The following EFCAB5 variants were observed in gnomAD, a reference collection of about 807,000 sequenced individuals.
EFCAB5 encodes the protein EF-hand calcium binding domain 5.
Under a neutral mutation model 167.9 loss-of-function variants are expected in EFCAB5, and 131 were observed. The ratio of observed to expected loss-of-function variants is 0.78; its 90% CI spans 0.68 to 0.90. The LOEUF is 0.90. EFCAB5 is among the 40% of genes least tolerant of loss of function. The pLI, the probability that EFCAB5 is intolerant of heterozygous loss-of-function variation, is 0.00. For synonymous variants in EFCAB5, 574 were observed against 602.8 expected, an observed-to-expected ratio of 0.95 and a Z score of 0.70; for missense variants, 1,663 against 1,745.2, an observed-to-expected ratio of 0.95 and a Z score of 0.84.
At position 30,055,891 on chromosome 17, in the gene EFCAB5, C is replaced by T. The variant is rs780770954; in HGVS notation, c.2198C>T (p.Thr733Ile). 1.9e-6 allele frequency: 3 copies of T among 1,611,266 alleles called. No homozygotes were observed. The highest frequency in any genetic ancestry group is 1.1e-5 in the South Asian group (1 of 90,282). The change falls in exon 11 of 23, where the codon ACT becomes ATT. Residue 733 changes from threonine to isoleucine, a missense_variant. Coordinates refer to ENST00000394835, the MANE Select transcript of EFCAB5 (RefSeq NM_198529.4). ...TLSRKDHFPE[T>I]TKKEVQKDKP... The stretch of plus-strand genomic sequence containing the variant: ...CATTTTCATTTGCACCTTTTAGAAA[C>T]TACAAAAAAGGAAGTTCAGAAAGAC...
At chr17:29,951,834 T>C (rs2067519181) in intron 3 of EFCAB5, among the ~76,000 whole-genome samples, 1 of 152,088 alleles carries the variant, frequency 6.6e-6, no homozygotes, top group Non-Finnish European at 1.5e-5. Context: ...AGAAGCATAG[T>C]TCAAAAACCA....
intron 7 of EFCAB5, among the ~76,000 whole-genome samples, chr17:30,020,307 T>G (rs1254157907): frequency 6.6e-6 from 1 of 152,084 alleles, no homozygotes; most frequent in East Asian, 1.9e-4. Context: ...TCTATGAATA[T>G]TTTCCTTCTT....
At position 30,108,244 on chromosome 17, in the gene EFCAB5, T is replaced by C; in HGVS notation, c.*220T>C. ...GTAGCCATAGCCAAGTGTATTTAAG[T>C]ATGTTATAGAATATATTTGAAAGCT... On this transcript the variant is annotated 3_prime_UTR_variant, in exon 23 of 23. Transcript: ENST00000394835. 2.4e-6 allele frequency: 1 copy of C among 424,638 alleles called. No homozygotes were observed. Among genetic ancestry groups the C allele is most frequent in the South Asian group, 2.8e-5 (1 of 35,922 alleles). 26.3% of individuals were successfully genotyped at this position (424,638 alleles called of 1,614,324 possible). A position where few individuals can be genotyped will look rare whatever the true frequency, so the allele number is the denominator to read the frequency against.
At chr17:30,085,719 CAA>C (rs60700223) in intron 18 of EFCAB5, among the ~76,000 whole-genome samples, 80,649 of 126,878 alleles carry the variant, frequency 0.64, 24,711 homozygotes, top group African/African-American at 0.79. Flanking sequence ...GACTCCGTCT[CAA>C]AAAAAAAAAA....
chr17:30,056,087 A>G lies in EFCAB5; in HGVS notation c.2296A>G (p.Lys766Glu). 6.2e-7 allele frequency: 1 copy of G among 1,612,734 alleles called. No homozygotes were observed. The highest frequency in any genetic ancestry group is 8.5e-7 in the Non-Finnish European group (1 of 1,179,246). ...AGGTGAATTTTTTACTTGTAACTGG[A>G]AAATGAAGTATGTCACATTTGAAGA... ...WSGEFFTCNWKMKYVTFEDEE... is the reference protein window; with the variant it reads ...WSGEFFTCNWEMKYVTFEDEE... The change falls in exon 12 of 23, where the codon AAA becomes GAA. Residue 766 changes from lysine to glutamate, a missense_variant. Physicochemically the swap from Lys to Glu is moderately conservative, Grantham distance 56. Transcript: ENST00000394835.
chr17:29,993,657 G>C (rs2068472704), intron 5 of EFCAB5, among the ~76,000 whole-genome samples: 1 of 152,162 alleles, frequency 6.6e-6, no homozygotes, highest in African/African-American at 2.4e-5. Flanking sequence ...CTATCTCTTA[G>C]CTCTAGAGAA....
chr17:30,015,637 T>C (rs1462062056), intron 7 of EFCAB5, among the ~76,000 whole-genome samples: 1 of 152,252 alleles, frequency 6.6e-6, no homozygotes, highest in Non-Finnish European at 1.5e-5. Context: ...TTTTGTTTTT[T>C]ATTATAGCCA....
In EFCAB5 at chr17:30,090,589, A is replaced by G; in HGVS notation, c.3852A>G (p.Leu1284=). The G allele has an allele frequency of 6.2e-7, 1 of 1,613,990 alleles. No homozygotes were observed. The highest frequency in any genetic ancestry group is 8.5e-7 in the Non-Finnish European group (1 of 1,179,870). ...RMLLCQEYKD[L]QKMMKVVQVA... is the part of the protein sequence containing the mutation. ...TGTTGTGTCAAGAATATAAAGATCT[A>G]CAGAAAATGATGAAAGTGGTCCAAG... Residue 1284 remains leucine (L), a synonymous_variant, in exon 20 of 23, where the codon CTA becomes CTG. Coordinates refer to ENST00000394835, the MANE Select transcript of EFCAB5 (RefSeq NM_198529.4).
chr17:30,092,784 A>C lies in EFCAB5; in HGVS notation c.4225-56A>C. The C allele has an allele frequency of 3.3e-6, 4 of 1,213,844 alleles. No individual in the cohort carries two copies. In the South Asian group the frequency reaches 5.2e-5, roughly 16 times the overall value. 75.2% of individuals were successfully genotyped at this position (1,213,844 alleles called of 1,614,324 possible). On this transcript the variant is annotated intron_variant, in intron 21 of 22. Transcript: ENST00000394835. The stretch of plus-strand genomic sequence containing the variant: ...AATTATGTAAGCTGTTGAACTGGGC[A>C]CTGTATTTCTGCTTCCTGGTGATCC...
intron 21 of EFCAB5, 141 bp from the exon 22 acceptor site, chr17:30,092,699 A>G (rs918801483): frequency 1.7e-5 from 9 of 530,180 alleles, no homozygotes; most frequent in African/African-American, 1.4e-4. Flanking sequence ...ATGGGTAACC[A>G]TCATCTTCAC....
rs148982180 is a variant in EFCAB5 at position 30,070,543 on chromosome 17, G to T, written c.2738-7672G>T. On this transcript the variant is annotated intron_variant, in intron 14 of 22. Coordinates refer to ENST00000394835, the MANE Select transcript of EFCAB5 (RefSeq NM_198529.4). ...CCAGAAAGAAATCCATATATTTACA[G>T]CCAACTGATTTTCAACAAAGGTACC... 4.1e-3 allele frequency among the ~76,000 whole-genome samples: 628 copies of T among 152,272 alleles called. 5 individuals carry two copies. Among genetic ancestry groups the T allele is most frequent in the African/African-American group, 0.014 (596 of 41,544 alleles).
chr17:30,042,706 G>A (rs917544531), intron 8 of EFCAB5, among the ~76,000 whole-genome samples: 2 of 151,976 alleles, frequency 1.3e-5, no homozygotes, highest in African/African-American at 2.4e-5. Flanking sequence ...AAATTCTACC[G>A]AACATTTAAG....
At chr17:30,080,438 C>G (rs1173088931) in intron 16 of EFCAB5, among the ~76,000 whole-genome samples, 197 bp downstream of exon 16, 4 of 152,134 alleles carry the variant, frequency 2.6e-5, no homozygotes, top group East Asian at 3.8e-4. Context: ...GGTAATGATT[C>G]GCCACATGGG....
chr17:30,015,759 C>CTTTTTTTTTTTTTTTTTTT (rs71138866), intron 7 of EFCAB5, among the ~76,000 whole-genome samples: 1 of 130,566 alleles, frequency 7.7e-6, no homozygotes, highest in Non-Finnish European at 1.6e-5. Flanking sequence ...TTGGTTATTT[C>CTTTTTTTTTTTTTTTTTTT]TTTTTTTTTT....
In EFCAB5 at chr17:30,082,507, C is replaced by G. The variant is rs1484408499; in HGVS notation, c.3427-384C>G. On this transcript the variant is annotated intron_variant, in intron 17 of 22. Transcript: ENST00000394835. Reference sequence around the variant, plus strand: ...CTGAGTTCAAGCAATTGTCCTGCCTCAGCCTCCTGAGTAGCTGGGATTACA... The same window carrying G: ...CTGAGTTCAAGCAATTGTCCTGCCTGAGCCTCCTGAGTAGCTGGGATTACA... 2.7e-5 allele frequency among the ~76,000 whole-genome samples: 4 copies of G among 149,678 alleles called. No individual in the cohort carries two copies. In the Admixed American group the frequency reaches 2.7e-4, roughly 10 times the overall value.
rs567765784 is a variant in EFCAB5, at chr17:29,936,002, C to T, written c.-126-6238C>T. Among the ~76,000 whole-genome samples the T allele has an allele frequency of 2.0e-5, 3 of 152,054 alleles. No homozygotes were observed. In the East Asian group the frequency reaches 5.8e-4, roughly 29 times the overall value. On this transcript the variant is annotated intron_variant, in intron 1 of 3. Transcript: ENST00000448319. ...TACAAACTGGATTCAGCTGTTGCTA[C>T]AAAAAGGAAATGCTGCTACCAGGAT...
At chr17:30,014,979 T>A (rs1597670363) in intron 7 of EFCAB5, among the ~76,000 whole-genome samples, 1 of 152,180 alleles carries the variant, frequency 6.6e-6, no homozygotes, top group Non-Finnish European at 1.5e-5. Flanking sequence ...CAGGAGCTCT[T>A]GTAAGGCAGG....
At chr17:29,988,930 T>C (rs1161140053) in intron 4 of EFCAB5, among the ~76,000 whole-genome samples, 3 of 152,174 alleles carry the variant, frequency 2.0e-5, no homozygotes, top group Non-Finnish European at 4.4e-5. Context: ...ATCTATTCTA[T>C]TTATTTGAGT....
At chr17:29,987,511 T>G (rs2068312982) in intron 4 of EFCAB5, among the ~76,000 whole-genome samples, 1 of 152,222 alleles carries the variant, frequency 6.6e-6, no homozygotes, top group African/African-American at 2.4e-5. Context: ...TTGCAGCTGG[T>G]TTCTGTAGAT....
Sources: allele counts gnomAD v4.1 joint callset (sites outside exome capture counted in the v4.1 genomes callset), GRCh38; gene constraint gnomAD v4.1.1; transcripts MANE v1.5; gene names NCBI Gene and HGNC (gene_info 2026-07-23, HGNC 2026-07-21).